The following MIGA2 variants were observed in gnomAD, a reference collection of about 807,000 sequenced individuals.
The protein encoded by MIGA2 is mitoguardin 2.
Under a neutral mutation model 69.9 loss-of-function variants are expected in MIGA2, and 36 were observed. The ratio of observed to expected loss-of-function variants is 0.52; its 90% CI spans 0.39 to 0.68. The LOEUF (loss-of-function observed/expected upper bound fraction) is 0.68, where lower values mean the gene tolerates loss of function less well. Ranked by LOEUF, MIGA2 falls within the 30% of genes least tolerant of loss-of-function variation. The pLI, the probability that MIGA2 is intolerant of heterozygous loss-of-function variation, is 0.00. For synonymous variants in MIGA2, 333 were observed against 349.2 expected (o/e 0.95, Z 0.52); for missense variants, 660 against 787.7 (o/e 0.84, Z 1.94).
At chr9:129,062,734 C>G (rs1846131879) in intron 9 of MIGA2, among the ~76,000 whole-genome samples, 1 of 151,938 alleles carries the variant, frequency 6.6e-6, no homozygotes, top group Non-Finnish European at 1.5e-5. Flanking sequence ...GTCCCAGCTA[C>G]TTGGGAGGCT....
chr9:129,048,217 T>C (rs1396098230), intron 3 of MIGA2, among the ~76,000 whole-genome samples: 1 of 152,130 alleles, frequency 6.6e-6, no homozygotes, highest in African/African-American at 2.4e-5. Context: ...GTGGCAGGGA[T>C]ATGGCAGGGA....
intron 1 of MIGA2, among the ~76,000 whole-genome samples, chr9:129,039,140 C>T (rs1844753139): frequency 6.7e-6 from 1 of 148,642 alleles, no homozygotes; most frequent in South Asian, 2.1e-4. Context: ...GTAAAGAATG[C>T]AGCACAAAAT....
chr9:129,048,323 G>A (rs758480233), intron 3 of MIGA2, 104 bp from the exon 4 acceptor site: 40 of 983,848 alleles, frequency 4.1e-5, no homozygotes, highest in African/African-American at 3.3e-4. Context: ...GGTCGGGACC[G>A]ATTCCCAGAT....
intron 11 of MIGA2, 175 bp from the exon 12 acceptor site, chr9:129,067,598 G>C (rs937591054): frequency 1.6e-6 from 1 of 608,706 alleles, no homozygotes; most frequent in Admixed American, 3.0e-5. Flanking sequence ...GGGTGCCCTG[G>C]TTCTCTGGAG....
Position 129,068,181 on chromosome 9 carries a change from G to A in MIGA2, c.1270-17G>A. ...CAGTGCCCCCATGCATGAGCCTCCC[G>A]GGGGCACCCTCTGTAGGTGGTATGC... On this transcript the variant is annotated splice_polypyrimidine_tract_variant and intron_variant, in intron 12 of 15. Coordinates refer to ENST00000684074, the MANE Select transcript of MIGA2 (RefSeq NM_001329990.2). This position sits in a 1 kb window ranked among gnomAD's most constrained non-coding sequence, Gnocchi z 4.1. 3 of 1,613,334 alleles carry A rather than the reference G, an allele frequency of 1.9e-6. No homozygotes were observed. The highest frequency in any genetic ancestry group is 1.7e-6 in the Non-Finnish European group (2 of 1,179,864).
rs758239685 is a variant in MIGA2 at position 129,061,243 on chromosome 9, C to G, written c.907C>G (p.Leu303Val). 8.1e-6 allele frequency: 13 copies of G among 1,611,382 alleles called. No homozygotes were observed. Among genetic ancestry groups the G allele is most frequent in the Non-Finnish European group, 1.1e-5 (13 of 1,179,270 alleles). ...FFSATELFES[L>V]QTGDYPIPLS... ...CACCCTCTCCCAGCTCTTTGAGTCCCTGCAGACTGGAGATTACCCGATCCC... is the reference window on the plus strand; with the variant it reads ...CACCCTCTCCCAGCTCTTTGAGTCCGTGCAGACTGGAGATTACCCGATCCC... Residue 303 changes from leucine to valine, a missense_variant, in exon 9 of 16, where the codon CTG (leucine) becomes GTG (valine). Physicochemically the swap from Leu to Val is conservative, Grantham distance 32. Around this residue, in one of 3 missense-constraint regions of MIGA2, gnomAD observed 386 missense variants for 402.0 expected, o/e 0.96. Coordinates refer to ENST00000684074, the MANE Select transcript of MIGA2 (RefSeq NM_001329990.2). The surrounding 1 kb of genome is among the most constrained non-coding windows in gnomAD (Gnocchi z 5.0).
chr9:129,068,001 G>C lies in MIGA2; in HGVS notation c.1269+130G>C. ...GTTCCATCACTGCTCATAGTCCCCGGTTCCTGCCCTGCCCCAGGCCAAGGC... is the reference window on the plus strand; with the variant it reads ...GTTCCATCACTGCTCATAGTCCCCGCTTCCTGCCCTGCCCCAGGCCAAGGC... On this transcript the variant is annotated intron_variant, in intron 12 of 15. Coordinates refer to ENST00000684074, the MANE Select transcript of MIGA2 (RefSeq NM_001329990.2). This position sits in a 1 kb window ranked among gnomAD's most constrained non-coding sequence, Gnocchi z 4.1. 7.8e-7 allele frequency: 1 copy of C among 1,278,398 alleles called. No individual in the cohort carries two copies. Among genetic ancestry groups the C allele is most frequent in the Non-Finnish European group, 1.1e-6 (1 of 905,266 alleles). The allele number at this position is 1,278,398 out of a possible 1,614,324, so 79.2% of individuals were successfully genotyped here.
rs1176213963 is a variant in MIGA2 at position 129,071,672 on chromosome 9, G to A, written c.*1219G>A. On this transcript the variant is annotated 3_prime_UTR_variant, in exon 16 of 16. Coordinates refer to ENST00000684074, the MANE Select transcript of MIGA2 (RefSeq NM_001329990.2). The stretch of plus-strand genomic sequence containing the variant: ...TGGGGATGGGAGGGCGCACCACAGA[G>A]AGGAGATGATGCTGGGTGTGGCCCA... 1 of 152,160 alleles carries A rather than the reference G, an allele frequency of 6.6e-6. No homozygotes were observed. The highest frequency in any genetic ancestry group is 6.5e-5 in the Admixed American group (1 of 15,278). 9.4% of individuals were successfully genotyped at this position (152,160 alleles called of 1,614,324 possible).
rs761852273 is a variant in MIGA2, at chr9:129,070,366, G to A, written c.1695G>A (p.Leu565=). The A allele has an allele frequency of 6.2e-7, 1 of 1,612,758 alleles. No homozygotes were observed. The highest frequency in any genetic ancestry group is 8.5e-7 in the Non-Finnish European group (1 of 1,179,880). Residue 565 remains leucine (L), a synonymous_variant, in exon 16 of 16, where the codon CTG becomes CTA. Transcript: ENST00000684074. ...QLSRRRSEIL[L]GYLGVPAASS... ...CCCGGCGCCGCAGCGAGATATTGCT[G>A]GGGTACCTGGGGGTGCCCGCGGCCA...
Position 129,069,977 on chromosome 9 carries a change from G to A in MIGA2, c.1575+12G>A, listed in dbSNP as rs773340894. On this transcript the variant is annotated intron_variant, in intron 15 of 15. Coordinates refer to ENST00000684074, the MANE Select transcript of MIGA2 (RefSeq NM_001329990.2). The surrounding 1 kb of genome is among the most constrained non-coding windows in gnomAD (Gnocchi z 4.9). The stretch of plus-strand genomic sequence containing the variant: ...GTGCTTTCTTCAAGGTAAACAGAGA[G>A]CAGTTCTCGTTCTTTCCTGACCCTT... 3.2e-6 allele frequency: 5 copies of A among 1,579,136 alleles called. No individual in the cohort carries two copies. The South Asian group carries it at 4.6e-5, about 15-fold the overall frequency.
rs545450435 is a variant in MIGA2, at chr9:129,060,731, A to C, written c.894+81A>C. ...AGGTCCATGGGGCCAGCACTGGGTC[A>C]TGGGAAAGTGGAGGCATTTCCTCTG... On this transcript the variant is annotated intron_variant, in intron 8 of 15. Coordinates refer to ENST00000684074, the MANE Select transcript of MIGA2 (RefSeq NM_001329990.2). This position sits in a 1 kb window ranked among gnomAD's most constrained non-coding sequence, Gnocchi z 4.8. 5.0e-6 allele frequency: 6 copies of C among 1,192,836 alleles called. No individual in the cohort carries two copies. Among genetic ancestry groups the C allele is most frequent in the Non-Finnish European group, 5.9e-6 (5 of 845,486 alleles). The allele number at this position is 1,192,836 out of a possible 1,614,324, so 73.9% of individuals were successfully genotyped here.
rs532638685 is a variant in MIGA2 at position 129,064,321 on chromosome 9, C to T, written c.1170+690C>T. ...TCCCGGGTTCACACCATTCTCCTGC[C>T]TCAGCCTCCCGAGTAGCTGGGACTA... On this transcript the variant is annotated intron_variant, in intron 11 of 15. Transcript: ENST00000684074. Among the ~76,000 whole-genome samples, 8 of 152,126 alleles carry T rather than the reference C, an allele frequency of 5.3e-5. 1 individual carries two copies. In the South Asian group the frequency reaches 1.7e-3, roughly 32 times the overall value.
rs569153931 is a variant in MIGA2 at position 129,070,444 on chromosome 9, G to A, written c.1773G>A (p.Glu591=). 1.2e-5 allele frequency: 19 copies of A among 1,581,708 alleles called. No individual in the cohort carries two copies. The South Asian group carries it at 1.9e-4, about 16-fold the overall frequency. ...CCCGAGAGAATGGGCCCCTGGGGGA[G>A]CTGCAGTAGAGGCGGCACGGGCTGG... ...ALPRENGPLG[E]LQ Residue 591 remains glutamate (E), a synonymous_variant, in exon 16 of 16, where the codon GAG becomes GAA. Coordinates refer to ENST00000684074, the MANE Select transcript of MIGA2 (RefSeq NM_001329990.2).
intron 3 of MIGA2, 44 bp downstream of exon 3, chr9:129,042,558 C>T (rs1395247196): frequency 3.8e-5 from 58 of 1,526,378 alleles, no homozygotes; most frequent in Non-Finnish European, 5.0e-5. Context: ...GAGGTCACAT[C>T]CTGGGGTCAT....
Position 129,048,434 on chromosome 9 carries a change from C to T in MIGA2, c.315C>T (p.Ser105=), listed in dbSNP as rs1829762991. 1 of 1,613,890 alleles carries T rather than the reference C, an allele frequency of 6.2e-7. No homozygotes were observed. Among genetic ancestry groups the T allele is most frequent in the Admixed American group, 1.7e-5 (1 of 59,996 alleles). The change falls in exon 4 of 16, where the codon TCC becomes TCT. Residue 105 remains serine, a synonymous_variant. Coordinates refer to ENST00000684074, the MANE Select transcript of MIGA2 (RefSeq NM_001329990.2). ...CCCTTCTGCTCCTCACAGGATACTC[C>T]AGCCGGAGAGTCCAGAGCCCCAGCA... ...RKVPSVKKGY[S]SRRVQSPSSK...
chr9:129,039,795 C>T (rs539946912), intron 1 of MIGA2: 12 of 158,284 alleles, frequency 7.6e-5, no homozygotes, highest in South Asian at 1.8e-4. Flanking sequence ...CAGGCTGGAG[C>T]GCAGTGGCCC....
At chr9:129,047,382 T>C (rs1845281716) in intron 3 of MIGA2, among the ~76,000 whole-genome samples, 1 of 150,914 alleles carries the variant, frequency 6.6e-6, no homozygotes, top group African/African-American at 2.4e-5. Flanking sequence ...CCCGGCCCTG[T>C]CTCTATTTTA....
At position 129,070,642 on chromosome 9, in the gene MIGA2, G is replaced by A. The variant is rs1383892532; in HGVS notation, c.*189G>A. On this transcript the variant is annotated 3_prime_UTR_variant, in exon 16 of 16. Transcript: ENST00000684074. ...GGTTCCTGGGGGAAGCAGAGGCCAG[G>A]ACCAGTGGGGCCTGTGGGAGAGAAA... 3.2e-6 allele frequency: 2 copies of A among 619,294 alleles called. No individual in the cohort carries two copies. The highest frequency in any genetic ancestry group is 5.5e-6 in the Non-Finnish European group (2 of 364,006). 38.4% of individuals were successfully genotyped at this position (619,294 alleles called of 1,614,324 possible). A position where few individuals can be genotyped will look rare whatever the true frequency, so the allele number is the denominator to read the frequency against.
chr9:129,060,583 C>G lies in MIGA2; in HGVS notation c.827C>G (p.Ser276Trp), dbSNP rs373891983. The change falls in exon 8 of 16, where the codon TCG becomes TGG. Residue 276 changes from serine to tryptophan, a missense_variant. Ser to Trp is a radical substitution (Grantham distance 177). Transcript: ENST00000684074. The surrounding 1 kb of genome is among the most constrained non-coding windows in gnomAD (Gnocchi z 4.8). ...RTLMLPLTEG[S>W]LRLRADDEDS... ...CTCATGCTGCCCCTGACCGAGGGCT[C>G]GCTGCGGCTGCGGGCGGACGATGAG... is the stretch of plus-strand genomic sequence containing the variant. 1.9e-6 allele frequency: 3 copies of G among 1,605,876 alleles called. No individual in the cohort carries two copies. Among genetic ancestry groups the G allele is most frequent in the Non-Finnish European group, 2.6e-6 (3 of 1,176,320 alleles).
Sources: gnomAD v4.1 joint callset for allele counts (sites outside exome capture counted in the v4.1 genomes callset) on GRCh38, gnomAD v4.1.1 for gene constraint, gnomAD v4.1.1 regional missense constraint, Gnocchi (gnomAD v3.1) non-coding constraint, MANE v1.5 for transcripts, NCBI Gene and HGNC (gene_info 2026-07-23, HGNC 2026-07-21) for gene names.